Variants in NTRK3 observed in about 807,000 individuals in gnomAD.
NTRK3 encodes NT-3 growth factor receptor.
Under a neutral mutation model 91.7 loss-of-function variants are expected in NTRK3, and 24 were observed. The ratio of observed to expected loss-of-function variants is 0.26; its 90% CI spans 0.19 to 0.37. The LOEUF (loss-of-function observed/expected upper bound fraction) is 0.37, where lower values mean the gene tolerates loss of function less well. NTRK3 is among the 10% of genes least tolerant of loss of function. The probability of loss-of-function intolerance (pLI) is 1.00; values close to 1 mark genes in which losing one functional copy is unlikely to be tolerated. For missense variants in NTRK3, 880 were observed against 1,068.9 expected, an observed-to-expected ratio of 0.82 and a Z score of 2.46; for synonymous variants, 483 against 404.0, an observed-to-expected ratio of 1.20 and a Z score of -2.34.
intron 13 of NTRK3, among the ~76,000 whole-genome samples, chr15:88,096,109 C>T (rs2049567841): frequency 6.6e-6 from 1 of 152,148 alleles, no homozygotes; most frequent in East Asian, 1.9e-4. Flanking sequence ...CTCCCCATTT[C>T]CTTCCCCAGA....
rs114153339 is a variant in NTRK3 at position 88,219,153 on chromosome 15, C to T, written c.249-34854G>A. ...ACCTACATGTGCAGGATGGCACCCG[C>T]CTGGGCAGAGAGAGAAGCCCATTAG... On this transcript the variant is annotated intron_variant, in intron 3 of 18. Coordinates refer to ENST00000394480, the Ensembl canonical transcript of NTRK3. 2.1e-3 allele frequency among the ~76,000 whole-genome samples: 315 copies of T among 152,370 alleles called. 1 individual carries two copies. The highest frequency in any genetic ancestry group is 7.3e-3 in the African/African-American group (305 of 41,590).
At chr15:88,000,066 G>T (rs78634440) in intron 14 of NTRK3, among the ~76,000 whole-genome samples, 4,477 of 152,270 alleles carry the variant, frequency 0.029, 239 homozygotes, top group African/African-American at 0.1. Context: ...CTATGATGGT[G>T]ATATTCAAGA....
intron 5 of NTRK3, among the ~76,000 whole-genome samples, chr15:88,168,619 A>C (rs556763292): frequency 3.0e-4 from 45 of 152,368 alleles, no homozygotes; most frequent in African/African-American, 1.1e-3. Flanking sequence ...GACAGCTGGC[A>C]CAGGGAGGGG....
At chr15:87,883,806 T>C (rs2141496751) in intron 17 of NTRK3, among the ~76,000 whole-genome samples, 1 of 151,350 alleles carries the variant, frequency 6.6e-6, no homozygotes, top group South Asian at 2.1e-4. Context: ...GCAATTAAAT[T>C]ATTTGGTAAA....
intron 3 of NTRK3, among the ~76,000 whole-genome samples, chr15:88,195,885 G>A (rs1191798010): frequency 1.3e-5 from 2 of 152,146 alleles, no homozygotes; most frequent in Non-Finnish European, 2.9e-5. Context: ...GGCCCCAGGG[G>A]TTCTGAGAAT....
chr15:87,864,355 T>C (rs1330862403), exon 19 of NTRK3: 3 of 231,390 alleles, frequency 1.3e-5, no homozygotes, highest in Non-Finnish European at 2.6e-5. Flanking sequence ...AAAGGAAGTA[T>C]CCTAAGAAAG....
intron 6 of NTRK3, among the ~76,000 whole-genome samples, chr15:88,138,811 C>G (rs776452347): frequency 2.0e-5 from 3 of 152,186 alleles, no homozygotes; most frequent in Non-Finnish European, 2.9e-5. Flanking sequence ...ATCTGTCTCC[C>G]TGAATAAAAA....
chr15:88,017,036 C>T (rs768819272), intron 14 of NTRK3, among the ~76,000 whole-genome samples: 12 of 151,152 alleles, frequency 7.9e-5, no homozygotes, highest in Non-Finnish European at 1.6e-4. Flanking sequence ...TCAAATTTGC[C>T]TCATTAAGCC....
chr15:88,044,572 C>T, intron 13 of NTRK3, among the ~76,000 whole-genome samples: 1 of 130,242 alleles, frequency 7.7e-6, no homozygotes. Context: ...ACCACACCCG[C>T]CCCCCCACCC....
chr15:88,116,122 G>A (rs769462094), intron 13 of NTRK3, among the ~76,000 whole-genome samples: 15 of 152,168 alleles, frequency 9.9e-5, no homozygotes, highest in Non-Finnish European at 1.6e-4. Flanking sequence ...AGTGTTGATT[G>A]ACCTGACAGT....
chr15:87,975,369 G>T (rs144280244), intron 14 of NTRK3, among the ~76,000 whole-genome samples: 1 of 152,122 alleles, frequency 6.6e-6, no homozygotes, highest in Non-Finnish European at 1.5e-5. Flanking sequence ...TCCAGGGAGC[G>T]CCTGGCAAGC....
chr15:88,059,453 C>T (rs537123107), intron 13 of NTRK3, among the ~76,000 whole-genome samples: 1 of 152,182 alleles, frequency 6.6e-6, no homozygotes. Flanking sequence ...TAGGCACACA[C>T]CTGAAACAAA....
At chr15:87,947,298 C>T (rs2070658020) in intron 14 of NTRK3, among the ~76,000 whole-genome samples, 1 of 152,086 alleles carries the variant, frequency 6.6e-6, no homozygotes, top group South Asian at 2.1e-4. Flanking sequence ...TCCTGTGGGA[C>T]TCTAAAGGCT....
intron 13 of NTRK3, among the ~76,000 whole-genome samples, chr15:88,058,463 G>T (rs554029943): frequency 6.6e-6 from 1 of 152,312 alleles, no homozygotes; most frequent in African/African-American, 2.4e-5. Context: ...AAAGGTCAAA[G>T]GTTAGTGCAA....
chr15:87,903,354 G>T (rs1000884658), intron 17 of NTRK3, among the ~76,000 whole-genome samples: 1 of 152,194 alleles, frequency 6.6e-6, no homozygotes, highest in Non-Finnish European at 1.5e-5. Flanking sequence ...CACGAGACTA[G>T]GGCAACATTC....
intron 15 of NTRK3, among the ~76,000 whole-genome samples, chr15:87,936,396 G>A (rs966279081): frequency 6.6e-6 from 1 of 152,068 alleles, no homozygotes; most frequent in Non-Finnish European, 1.5e-5. Flanking sequence ...TCTGCCTTGG[G>A]GAGAGGGTTC....
At chr15:87,969,970 CAG>C (rs1009983423) in intron 14 of NTRK3, among the ~76,000 whole-genome samples, 13 of 152,086 alleles carry the variant, frequency 8.5e-5, no homozygotes, top group African/African-American at 3.1e-4. Context: ...ACAACATATT[CAG>C]AGAGAGAGAA....
exon 19 of NTRK3, chr15:87,859,975 T>C (rs1441608840): frequency 5.2e-6 from 1 of 193,684 alleles, no homozygotes; most frequent in Non-Finnish European, 1.1e-5. Flanking sequence ...TACATGTGCA[T>C]ATACATACCT....
intron 6 of NTRK3, among the ~76,000 whole-genome samples, chr15:88,142,599 C>T (rs2042495645): frequency 6.6e-6 from 1 of 152,204 alleles, no homozygotes; most frequent in African/African-American, 2.4e-5. Flanking sequence ...GGACCCAGAT[C>T]AGCCAGGACA....
Sources: gnomAD v4.1 joint callset for allele counts (sites outside exome capture counted in the v4.1 genomes callset) on GRCh38, gnomAD v4.1.1 for gene constraint, MANE v1.5 for transcripts, NCBI Gene and HGNC (gene_info 2026-07-23, HGNC 2026-07-21) for gene names.